The following MYH9 variants were observed in gnomAD, a reference collection of about 807,000 sequenced individuals.
MYH9 encodes the protein myosin heavy chain 9.
In MYH9, 29 loss-of-function variants were observed where a neutral mutation model predicts 241.9. That is an observed-to-expected ratio of 0.12 (90% CI 0.09 to 0.16). The LOEUF (loss-of-function observed/expected upper bound fraction) is 0.16. Ranked by LOEUF, MYH9 falls within the 10% of genes least tolerant of loss-of-function variation. MYH9 has a pLI of 1.00. For synonymous variants in MYH9, 1,047 were observed against 1,062.6 expected, an observed-to-expected ratio of 0.99 and a Z score of 0.29; for missense variants, 1,803 against 2,595.5, an observed-to-expected ratio of 0.69 and a Z score of 6.63.
At position 36,345,553 on chromosome 22, in the gene MYH9, A is replaced by C. The variant is rs867107847; in HGVS notation, c.333+3351T>G. ...GCCAAGAGGAGCGCCTCCCAATCCC[A>C]GACAGTGAGGCTGCAGCTCCCATGT... On this transcript the variant is annotated intron_variant, in intron 2 of 40. Transcript: ENST00000216181. Among the ~76,000 whole-genome samples the C allele has an allele frequency of 6.6e-5, 10 of 152,302 alleles. No individual in the cohort carries two copies. In the Middle Eastern group the frequency reaches 0.01, roughly 155 times the overall value.
intron 5 of MYH9, among the ~76,000 whole-genome samples, chr22:36,322,747 T>G (rs1022028948): frequency 1.3e-5 from 2 of 152,210 alleles, no homozygotes; most frequent in Non-Finnish European, 2.9e-5. Context: ...CAGTTTGAAC[T>G]TACTTCCATG....
chr22:36,313,606 C>T (rs2146356154), intron 13 of MYH9, among the ~76,000 whole-genome samples: 1 of 152,228 alleles, frequency 6.6e-6, no homozygotes, highest in Non-Finnish European at 1.5e-5. Context: ...GAAAGGGTTC[C>T]TCTTTTCCAT....
intron 2 of MYH9, among the ~76,000 whole-genome samples, chr22:36,346,625 C>T (rs1302827876): frequency 6.6e-6 from 1 of 152,066 alleles, no homozygotes; most frequent in African/African-American, 2.4e-5. Flanking sequence ...TTGTTTGAGA[C>T]AGGGTCTCAC....
chr22:36,380,684 T>G (rs992697371), intron 1 of MYH9, among the ~76,000 whole-genome samples: 1 of 151,912 alleles, frequency 6.6e-6, no homozygotes, highest in Non-Finnish European at 1.5e-5. Flanking sequence ...GAGGTTGCAG[T>G]GAGCTAAGAT....
At chr22:36,308,793 C>A (rs2017013115) in intron 15 of MYH9, 1 of 983,298 alleles carries the variant, frequency 1.0e-6, no homozygotes, top group South Asian at 4.7e-5. Flanking sequence ...AGACACCACT[C>A]GGGCGGCCAG....
In MYH9 at chr22:36,285,821, G is replaced by A. The variant is rs1420985840; in HGVS notation, c.5151-40C>T. ...GGAGAAGTGAGGGGCCTACCCTGGG[G>A]ACACACCTGGTCCCCCCCAACTCTG... On this transcript the variant is annotated intron_variant, in intron 36 of 40. Transcript: ENST00000216181. The surrounding 1 kb of genome is among the most constrained non-coding windows in gnomAD (Gnocchi z 7.0). 1 of 1,613,218 alleles carries A rather than the reference G, an allele frequency of 6.2e-7. No individual in the cohort carries two copies. The highest frequency in any genetic ancestry group is 8.5e-7 in the Non-Finnish European group (1 of 1,179,906).
At chr22:36,376,390 G>C (rs28370508) in intron 1 of MYH9, among the ~76,000 whole-genome samples, 188 of 151,964 alleles carry the variant, frequency 1.2e-3, no homozygotes, top group African/African-American at 4.0e-3. Flanking sequence ...CAGGAACCTA[G>C]CTCAAGATGC....
At chr22:36,334,945 C>G (rs1297676747) in intron 3 of MYH9, among the ~76,000 whole-genome samples, 3 of 152,158 alleles carry the variant, frequency 2.0e-5, no homozygotes, top group African/African-American at 7.2e-5. Flanking sequence ...AACCCACAGT[C>G]TCTCCTCCAC....
At chr22:36,332,523 C>T (rs915476627) in intron 3 of MYH9, among the ~76,000 whole-genome samples, 1 of 152,072 alleles carries the variant, frequency 6.6e-6, no homozygotes, top group African/African-American at 2.4e-5. Flanking sequence ...GAAGCCAGTT[C>T]GACTCGGCCC....
chr22:36,359,406 G>C (rs1209684851), intron 1 of MYH9, among the ~76,000 whole-genome samples: 2 of 152,322 alleles, frequency 1.3e-5, no homozygotes, highest in East Asian at 3.9e-4. Flanking sequence ...GGACAGGGCT[G>C]GAGAGCTGAA....
intron 35 of MYH9, 133 bp from the exon 36 acceptor site, chr22:36,286,086 C>G: frequency 1.1e-6 from 1 of 888,880 alleles, no homozygotes; most frequent in South Asian, 1.4e-5. Flanking sequence ...TCCAGAAACC[C>G]TCTAGCTCAC....
chr22:36,285,243 G>C lies in MYH9; in HGVS notation c.5361C>G (p.Asn1787Lys). Reference protein sequence around the residue: ...ENARQQLERQNKELKVKLQEM... With the variant: ...ENARQQLERQKKELKVKLQEM... ...CCTGCAGCTTGACCTTAAGCTCCTTGTTCTGGCGTTCCAGCTGCTGCCGAG... is the reference window on the plus strand; with the variant it reads ...CCTGCAGCTTGACCTTAAGCTCCTTCTTCTGGCGTTCCAGCTGCTGCCGAG... The change falls in exon 38 of 41, where the codon AAC becomes AAG. Residue 1787 changes from asparagine to lysine, a missense_variant. This residue lies in a region of MYH9 where 876 missense variants were observed against 1,077.8 expected (regional missense o/e 0.81). Transcript: ENST00000216181. The surrounding 1 kb of genome is among the most constrained non-coding windows in gnomAD (Gnocchi z 7.0). 1 of 1,614,200 alleles carries C rather than the reference G, an allele frequency of 6.2e-7. No individual in the cohort carries two copies. The highest frequency in any genetic ancestry group is 8.5e-7 in the Non-Finnish European group (1 of 1,180,050).
rs1160312752 is a variant in MYH9 at position 36,282,211 on chromosome 22, AAAG to A, written c.*454_*456del. On this transcript the variant is annotated 3_prime_UTR_variant, in exon 41 of 41. Coordinates refer to ENST00000216181, the MANE Select transcript of MYH9 (RefSeq NM_002473.6). ...GTCACCACGTGTGATTGCAAACAGC[AAAG>A]AAAGGAGGAGGAGTGGGGGCGCTGG... 15 of 354,664 alleles carry A rather than the reference AAAG, an allele frequency of 4.2e-5. No homozygotes were observed. The highest frequency in any genetic ancestry group is 3.9e-4 in the Admixed American group (9 of 23,014). The allele number at this position is 354,664 out of a possible 1,614,324, so 22.0% of individuals were successfully genotyped here.
intron 2 of MYH9, among the ~76,000 whole-genome samples, chr22:36,342,856 G>A (rs933399985): frequency 6.6e-6 from 1 of 152,198 alleles, no homozygotes; most frequent in African/African-American, 2.4e-5. Context: ...AGGTCACAAG[G>A]CATTGGGCAG....
chr22:36,351,207 C>A (rs529624209), intron 1 of MYH9, among the ~76,000 whole-genome samples: 1 of 152,200 alleles, frequency 6.6e-6, no homozygotes, highest in Non-Finnish European at 1.5e-5. Flanking sequence ...GGCTCCCTTT[C>A]GCCAGGAGGG....
intron 3 of MYH9, among the ~76,000 whole-genome samples, chr22:36,337,718 T>C (rs1360349549): frequency 6.6e-6 from 1 of 152,204 alleles, no homozygotes; most frequent in Non-Finnish European, 1.5e-5. Flanking sequence ...AGAGAACAAA[T>C]CTGTTTCCCT....
intron 1 of MYH9, among the ~76,000 whole-genome samples, chr22:36,353,835 G>A (rs960800712): frequency 6.6e-6 from 1 of 152,174 alleles, no homozygotes; most frequent in Admixed American, 6.5e-5. Flanking sequence ...ATCAGGCAGA[G>A]GACAGAGTTT....
Position 36,293,676 on chromosome 22 carries a change from G to A in MYH9, c.3942+83C>T, listed in dbSNP as rs1041694289. The A allele has an allele frequency of 1.5e-5, 21 of 1,382,706 alleles. No homozygotes were observed. In the East Asian group the frequency reaches 1.6e-4, roughly 11 times the overall value. 85.7% of individuals were successfully genotyped at this position (1,382,706 alleles called of 1,614,324 possible). On this transcript the variant is annotated intron_variant, in intron 29 of 40. Transcript: ENST00000216181. This position sits in a 1 kb window ranked among gnomAD's most constrained non-coding sequence, Gnocchi z 5.1. ...AGATGAAGGAGAGGATGGGCAATCC[G>A]ATGGGCTCTGAAGCTAATGTTGCGT...
chr22:36,291,582 T>C (rs949241137), intron 31 of MYH9, among the ~76,000 whole-genome samples: 3 of 151,658 alleles, frequency 2.0e-5, no homozygotes, highest in African/African-American at 7.3e-5. Context: ...CCGGAGACCT[T>C]TGTTCACTTG....
Sources: allele counts gnomAD v4.1 joint callset (sites outside exome capture counted in the v4.1 genomes callset), GRCh38; gene constraint gnomAD v4.1.1; regional missense constraint gnomAD v4.1.1; non-coding constraint Gnocchi (gnomAD v3.1); transcripts MANE v1.5; gene names NCBI Gene and HGNC (gene_info 2026-07-23, HGNC 2026-07-21).